Variants in ATAD2 observed in about 807,000 individuals in gnomAD.
ATAD2 encodes ATPase family AAA domain containing 2.
Under a neutral mutation model 168.9 loss-of-function variants are expected in ATAD2, and 62 were observed. The ratio of observed to expected loss-of-function variants is 0.37; its 90% CI spans 0.30 to 0.45. The LOEUF is 0.45. ATAD2 is among the 20% of genes least tolerant of loss of function. The pLI, the probability that ATAD2 is intolerant of heterozygous loss-of-function variation, is 1.00. For missense variants in ATAD2, 1,419 were observed against 1,667.8 expected (o/e 0.85, Z 2.60); for synonymous variants, 613 against 571.6 (o/e 1.07, Z -1.03).
intron 24 of ATAD2, among the ~76,000 whole-genome samples, chr8:123,331,486 C>T (rs916568924): frequency 4.0e-5 from 6 of 151,682 alleles, no homozygotes; most frequent in African/African-American, 1.5e-4. Flanking sequence ...GTGATCCACC[C>T]GCCTCAGCCT....
At position 123,402,932 on chromosome 8, in the gene ATAD2, C is replaced by G. The variant is rs925071283; in HGVS notation, c.-2281-1757G>C. 2.0e-5 allele frequency among the ~76,000 whole-genome samples: 3 copies of G among 152,238 alleles called. No individual in the cohort carries two copies. Among genetic ancestry groups the G allele is most frequent in the Admixed American group, 2.0e-4 (3 of 15,278 alleles). On this transcript the variant is annotated intron_variant, in intron 1 of 28. Coordinates refer to the ATAD2 transcript ENST00000521903. The surrounding 1 kb of genome is among the most constrained non-coding windows in gnomAD (Gnocchi z 4.8). The stretch of plus-strand genomic sequence containing the variant: ...AGATAAGGCCTGGAAACTTGGATTT[C>G]TTTCAGGAAGTCTCCTGGTGATTCT...
Position 123,321,158 on chromosome 8 carries a change from T to C in ATAD2, c.4149A>G (p.Val1383=). Residue 1383 remains valine (V), a synonymous_variant, in exon 28 of 28, where the codon GTA becomes GTG. Coordinates refer to ENST00000287394, the MANE Select transcript of ATAD2 (RefSeq NM_014109.4). Reference sequence around the variant, plus strand: ...ATCATCTGGAACAACTGAAGTTTTCTACCTCTTGCTCCATTTTCTAGATAA... The same window carrying C: ...ATCATCTGGAACAACTGAAGTTTTCCACCTCTTGCTCCATTTTCTAGATAA... ...TSLIQKMEQE[V]ENFSCSR 1 of 1,610,036 alleles carries C rather than the reference T, an allele frequency of 6.2e-7. No homozygotes were observed. Among genetic ancestry groups the C allele is most frequent in the Non-Finnish European group, 8.5e-7 (1 of 1,178,916 alleles).
At chr8:123,370,541 A>G (rs984861370) in intron 6 of ATAD2, among the ~76,000 whole-genome samples, 2 of 152,124 alleles carry the variant, frequency 1.3e-5, no homozygotes, top group African/African-American at 4.8e-5. Context: ...CATTTCAGAA[A>G]ACTGATTTTC....
At position 123,370,135 on chromosome 8, in the gene ATAD2, C is replaced by T. The variant is rs1331563694; in HGVS notation, c.728-111G>A. 1.1e-5 allele frequency: 9 copies of T among 801,898 alleles called. No individual in the cohort carries two copies. The African/African-American group carries it at 1.3e-4, about 11-fold the overall frequency. The allele number at this position is 801,898 out of a possible 1,614,324, so 49.7% of individuals were successfully genotyped here. On this transcript the variant is annotated intron_variant, in intron 6 of 27. Coordinates refer to ENST00000287394, the MANE Select transcript of ATAD2 (RefSeq NM_014109.4). ...CCACCCTTTTAAAACTTATCTACTCCTAAAAAAAAAAAAACAACAAAAAAA... is the reference window on the plus strand; with the variant it reads ...CCACCCTTTTAAAACTTATCTACTCTTAAAAAAAAAAAAACAACAAAAAAA...
intron 1 of ATAD2, among the ~76,000 whole-genome samples, chr8:123,415,422 A>G (rs1461636939): frequency 6.6e-6 from 1 of 152,230 alleles, no homozygotes; most frequent in African/African-American, 2.4e-5. Flanking sequence ...AGATTGGAGA[A>G]TCCAACTGTG....
rs1586913124 is a variant in ATAD2 at position 123,402,155 on chromosome 8, A to G, written c.-2281-980T>C. On this transcript the variant is annotated intron_variant, in intron 1 of 28. Coordinates refer to the ATAD2 transcript ENST00000521903. This position sits in a 1 kb window ranked among gnomAD's most constrained non-coding sequence, Gnocchi z 4.8. ...GTGGAGGGGGCACCCCCCAGTGTCC[A>G]CCTTCGGGCATAGCCTCCCTCCATC... 2 of 709,102 alleles carry G rather than the reference A, an allele frequency of 2.8e-6. No individual in the cohort carries two copies. The highest frequency in any genetic ancestry group is 5.1e-6 in the Non-Finnish European group (2 of 392,174). The allele number at this position is 709,102 out of a possible 1,614,324, so 43.9% of individuals were successfully genotyped here. A position where few individuals can be genotyped will look rare whatever the true frequency, so the allele number is the denominator to read the frequency against.
At chr8:123,410,855 G>A (rs1012635349) in intron 1 of ATAD2, among the ~76,000 whole-genome samples, 8 of 152,212 alleles carry the variant, frequency 5.3e-5, no homozygotes, top group Admixed American at 2.0e-4. Context: ...CTGATCCAGC[G>A]AGGCGCCCAT....
chr8:123,386,796 A>C, intron 1 of ATAD2, among the ~76,000 whole-genome samples: 1 of 152,126 alleles, frequency 6.6e-6, no homozygotes, highest in East Asian at 1.9e-4. Context: ...ACATTTCCTA[A>C]GAAACTTGGA....
rs71808201 is a variant in ATAD2 at position 123,378,701 on chromosome 8, CA to C, written c.320+1827del. Among the ~76,000 whole-genome samples, 439 of 72,984 alleles carry C rather than the reference CA, an allele frequency of 6.0e-3. 1 individual carries two copies. Among genetic ancestry groups the C allele is most frequent in the African/African-American group, 0.024 (409 of 17,122 alleles). 47.9% of individuals were successfully genotyped at this position (72,984 alleles called of 152,430 possible). ...TGGGCAACAGAGCAAGACTGTGTCT[CA>C]AAAAAAAAAAAAAAAAAAAAAAATC... On this transcript the variant is annotated intron_variant, in intron 2 of 27. Transcript: ENST00000287394.
At chr8:123,349,569 C>A in intron 13 of ATAD2, 125 bp from the exon 14 acceptor site, 1 of 850,256 alleles carries the variant, frequency 1.2e-6, no homozygotes. Flanking sequence ...GGGCACCTCA[C>A]TATTTCCAAT....
chr8:123,396,507 T>C, upstream of ATAD2: 1 of 768,216 alleles, frequency 1.3e-6, no homozygotes, highest in South Asian at 1.9e-5. Flanking sequence ...CTCCGCCGTC[T>C]GTCCCGCCCA....
chr8:123,378,340 GA>G (rs1033607070), intron 2 of ATAD2, among the ~76,000 whole-genome samples: 26 of 151,986 alleles, frequency 1.7e-4, no homozygotes, highest in African/African-American at 5.8e-4. Context: ...AAATAGCTGA[GA>G]AAAAAATTAA....
intron 1 of ATAD2, among the ~76,000 whole-genome samples, chr8:123,412,590 G>A (rs774748628): frequency 2.5e-4 from 36 of 146,048 alleles, no homozygotes; most frequent in Admixed American, 1.9e-3. Context: ...CACCATGCCT[G>A]GCTAATTAAA....
Position 123,336,474 on chromosome 8 carries a change from T to G in ATAD2, c.3110A>C (p.Lys1037Thr). The G allele has an allele frequency of 1.3e-6, 2 of 1,568,374 alleles. No individual in the cohort carries two copies. Among genetic ancestry groups the G allele is most frequent in the Admixed American group, 2.1e-5 (1 of 47,974 alleles). Residue 1037 changes from lysine to threonine, a missense_variant, in exon 22 of 28, where the codon AAA becomes ACA. This residue lies in a region of ATAD2 where 545 missense variants were observed against 724.9 expected (regional missense o/e 0.75). Transcript: ENST00000287394. Reference sequence around the variant, plus strand: ...AGTCAGATACTTGTGTAGATCAATTTTACTGATTACAGATGAAAGGTCCAT... The same window carrying G: ...AGTCAGATACTTGTGTAGATCAATTGTACTGATTACAGATGAAAGGTCCAT... The part of the protein sequence containing the change: ...QPMDLSSVIS[K>T]IDLHKYLTVK...
intron 1 of ATAD2, among the ~76,000 whole-genome samples, chr8:123,406,008 T>C (rs891016422): frequency 3.3e-5 from 5 of 152,334 alleles, no homozygotes; most frequent in Non-Finnish European, 7.3e-5. Flanking sequence ...TAATTCCTTT[T>C]ATATTAAGCA....
At chr8:123,383,033 A>C (rs568132234) in intron 1 of ATAD2, among the ~76,000 whole-genome samples, 1 of 152,230 alleles carries the variant, frequency 6.6e-6, no homozygotes. Flanking sequence ...GGATGAGTTC[A>C]TGTCATTTGC....
At chr8:123,340,281 C>A (rs1644987061) in intron 19 of ATAD2, among the ~76,000 whole-genome samples, 1 of 152,048 alleles carries the variant, frequency 6.6e-6, no homozygotes, top group South Asian at 2.1e-4. Flanking sequence ...AAATAAAAAG[C>A]AAACAAACAA....
rs79075630 is a variant in ATAD2 at position 123,376,675 on chromosome 8, C to T, written c.320+3854G>A. ...TGTTATTAAGAAATAATTAATATGG[C>T]CAGGCACTGTGGCTAGCACCTGTAA... On this transcript the variant is annotated intron_variant, in intron 2 of 27. Coordinates refer to ENST00000287394, the MANE Select transcript of ATAD2 (RefSeq NM_014109.4). Among the ~76,000 whole-genome samples, 843 of 152,156 alleles carry T rather than the reference C, an allele frequency of 5.5e-3. 6 individuals are homozygous for T. The highest frequency in any genetic ancestry group is 0.019 in the African/African-American group (786 of 41,510).
In ATAD2 at chr8:123,389,497, G is replaced by A. The variant is rs905597350; in HGVS notation, c.171+6690C>T. Among the ~76,000 whole-genome samples the A allele has an allele frequency of 1.4e-4, 21 of 151,418 alleles. No individual in the cohort carries two copies. In the East Asian group the frequency reaches 1.6e-3, roughly 12 times the overall value. On this transcript the variant is annotated intron_variant, in intron 1 of 27. Transcript: ENST00000287394. ...CTACTAAAAATACAAAAACTTAGCC[G>A]GGCGTGGTGGCGGGCGCCTGTAGTC... is the stretch of plus-strand genomic sequence containing the variant.
Sources: allele counts gnomAD v4.1 joint callset (sites outside exome capture counted in the v4.1 genomes callset), GRCh38; gene constraint gnomAD v4.1.1; regional missense constraint gnomAD v4.1.1; non-coding constraint Gnocchi (gnomAD v3.1); transcripts MANE v1.5; gene names NCBI Gene and HGNC (gene_info 2026-07-23, HGNC 2026-07-21).